PADI1: variants seen among roughly 807,000 people sequenced by gnomAD.
PADI1 encodes protein-arginine deiminase type-1.
Under a neutral mutation model 74.8 loss-of-function variants are expected in PADI1, and 65 were observed. The ratio of observed to expected loss-of-function variants is 0.87; its 90% CI spans 0.71 to 1.07. The LOEUF is 1.07. Among genes scored for constraint, PADI1 ranks in the 50% least tolerant of loss-of-function variants. The pLI is 0.00. For synonymous variants in PADI1, 371 were observed against 336.2 expected, an observed-to-expected ratio of 1.10 and a Z score of -1.13; for missense variants, 943 against 854.0, an observed-to-expected ratio of 1.10 and a Z score of -1.30.
At chr1:17,216,007 C>T (rs2071968521) in intron 1 of PADI1, among the ~76,000 whole-genome samples, 1 of 152,130 alleles carries the variant, frequency 6.6e-6, no homozygotes, top group Non-Finnish European at 1.5e-5. Context: ...GCCTCGTATG[C>T]TACCCTGAGA....
At chr1:17,228,477 T>C (rs987417705) in intron 6 of PADI1, 148 bp from the exon 7 acceptor site, 1 of 731,268 alleles carries the variant, frequency 1.4e-6, no homozygotes, top group East Asian at 2.5e-5. Flanking sequence ...GGTTGAGTCA[T>C]TGAGCTAAGG....
intron 15 of PADI1, among the ~76,000 whole-genome samples, chr1:17,243,739 AG>A (rs1181039937): frequency 6.6e-6 from 1 of 152,122 alleles, no homozygotes; most frequent in Non-Finnish European, 1.5e-5. Flanking sequence ...GAGTGGGAGA[AG>A]TTTTTTTTTG....
At chr1:17,230,450 C>T in intron 9 of PADI1, 122 bp from the exon 10 acceptor site, 1 of 741,656 alleles carries the variant, frequency 1.3e-6, no homozygotes, top group Non-Finnish European at 2.2e-6. Context: ...TCTACCTCTG[C>T]CCCTCACCAG....
rs114592381 is a variant in PADI1, at chr1:17,237,426, T to A, written c.1426T>A (p.Phe476Ile). 1.9e-6 allele frequency: 3 copies of A among 1,612,856 alleles called. No individual in the cohort carries two copies. The African/African-American group carries it at 4.0e-5, about 22-fold the overall frequency. ...GCTCTCTGTGGGCCATGTGGACGAGTTTCTGACCTTTGTGCCTACCTCTGA... is the reference window on the plus strand; with the variant it reads ...GCTCTCTGTGGGCCATGTGGACGAGATTCTGACCTTTGTGCCTACCTCTGA... ...DWLSVGHVDE[F>I]LTFVPTSDQK... The change falls in exon 12 of 16, where the codon TTT becomes ATT. Residue 476 changes from phenylalanine to isoleucine, a missense_variant. By Grantham distance (21) the Phe-to-Ile change is conservative. Coordinates refer to ENST00000375471, the MANE Select transcript of PADI1 (RefSeq NM_013358.3).
At position 17,222,474 on chromosome 1, in the gene PADI1, A is replaced by C. The variant is rs1273849813; in HGVS notation, c.273+4A>C. The C allele has an allele frequency of 1.2e-6, 2 of 1,609,100 alleles. No individual in the cohort carries two copies. Among genetic ancestry groups the C allele is most frequent in the South Asian group, 2.2e-5 (2 of 91,002 alleles). On this transcript the variant is annotated splice_donor_region_variant and intron_variant, in intron 2 of 15. Transcript: ENST00000375471. ...TAAGGAATTAAAGGACTTCAAGGTA[A>C]GAGGCCACTTTCTCATAGAAAAGGG... is the stretch of plus-strand genomic sequence containing the variant.
intron 1 of PADI1, among the ~76,000 whole-genome samples, chr1:17,208,521 AC>A (rs1416814604): frequency 1.8e-4 from 8 of 43,848 alleles, no homozygotes; most frequent in African/African-American, 3.0e-4. Flanking sequence ...CACCCTTTCC[AC>A]CCCCCACCCC....
rs1557468442 is a variant in PADI1, at chr1:17,227,558, TAAATA to T, written c.653-1064_653-1060del. On this transcript the variant is annotated intron_variant, in intron 6 of 15. Coordinates refer to ENST00000375471, the MANE Select transcript of PADI1 (RefSeq NM_013358.3). ...ATAAATAAATAAATAAATAAATAAATAAATAAATAAATAAATAAATAAATTACCAC... is the reference window on the plus strand; with the variant it reads ...ATAAATAAATAAATAAATAAATAAATAATAAATAAATAAATAAATTACCAC... Among the ~76,000 whole-genome samples the T allele has an allele frequency of 3.4e-4, 51 of 151,408 alleles. 1 individual carries two copies. Among genetic ancestry groups the T allele is most frequent in the African/African-American group, 1.2e-3 (49 of 41,264 alleles).
At position 17,223,506 on chromosome 1, in the gene PADI1, G is replaced by T. The variant is rs937819615; in HGVS notation, c.274-115G>T. ...GTCTTGGGACTTCAGAGACTGGGGG[G>T]GTCTCCAGGCCTCCTGTGCCTCTAA... On this transcript the variant is annotated intron_variant, in intron 2 of 15. Coordinates refer to ENST00000375471, the MANE Select transcript of PADI1 (RefSeq NM_013358.3). 2.0e-5 allele frequency: 16 copies of T among 789,178 alleles called. No individual in the cohort carries two copies. In the Admixed American group the frequency reaches 3.1e-4, roughly 15 times the overall value. The allele number at this position is 789,178 out of a possible 1,614,324, so 48.9% of individuals were successfully genotyped here. A position where few individuals can be genotyped will look rare whatever the true frequency, so the allele number is the denominator to read the frequency against.
chr1:17,227,872 G>A (rs1338442745), intron 6 of PADI1, among the ~76,000 whole-genome samples: 1 of 152,194 alleles, frequency 6.6e-6, no homozygotes. Context: ...TGTGCTCTCT[G>A]TATCTCTGAA....
At chr1:17,243,887 T>C (rs1200223588) in intron 15 of PADI1, 123 bp from the exon 16 acceptor site, 2 of 663,714 alleles carry the variant, frequency 3.0e-6, no homozygotes, top group Non-Finnish European at 5.3e-6. Flanking sequence ...CCTAGAGCCC[T>C]TTCTAGGCTG....
chr1:17,243,047 C>T (rs1045277646), intron 15 of PADI1, among the ~76,000 whole-genome samples: 10 of 152,146 alleles, frequency 6.6e-5, no homozygotes, highest in Admixed American at 6.5e-5. Flanking sequence ...GGGCAGAGCA[C>T]GGAGAGTTTG....
At chr1:17,243,751 T>G (rs2072823497) in intron 15 of PADI1, among the ~76,000 whole-genome samples, 1 of 152,068 alleles carries the variant, frequency 6.6e-6, no homozygotes, top group African/African-American at 2.4e-5. Context: ...TTTTTTTTTG[T>G]TTTTTGTTTT....
rs542576139 is a variant in PADI1, at chr1:17,243,776, C to T, written c.1759-234C>T. Reference sequence around the variant, plus strand: ...TTTTTTGTTTTTGTTTTTTAATGTACAAAATTCCTGGTAGTCCTGGCTGTT... The same window carrying T: ...TTTTTTGTTTTTGTTTTTTAATGTATAAAATTCCTGGTAGTCCTGGCTGTT... On this transcript the variant is annotated intron_variant, in intron 15 of 15. Coordinates refer to ENST00000375471, the MANE Select transcript of PADI1 (RefSeq NM_013358.3). Among the ~76,000 whole-genome samples, 89 of 151,548 alleles carry T rather than the reference C, an allele frequency of 5.9e-4. 1 individual carries two copies. Among genetic ancestry groups the T allele is most frequent in the South Asian group, 1.9e-3 (9 of 4,732 alleles).
At position 17,222,288 on chromosome 1, in the gene PADI1, A is replaced by C; in HGVS notation, c.93-2A>C. On this transcript the variant is annotated splice_acceptor_variant, in intron 1 of 15. Transcript: ENST00000375471. LOFTEE classifies it high-confidence loss of function. ...TCTCTTCCCATCTCTCTTCTCTGCC[A>C]GTGATGTGCCCAAGGGTGCCAACAG... 1 of 1,612,476 alleles carries C rather than the reference A, an allele frequency of 6.2e-7. No individual in the cohort carries two copies. The highest frequency in any genetic ancestry group is 8.5e-7 in the Non-Finnish European group (1 of 1,178,570).
rs921617016 is a variant in PADI1, at chr1:17,214,675, C to T, written c.93-7615C>T. Among the ~76,000 whole-genome samples, 8 of 152,228 alleles carry T rather than the reference C, an allele frequency of 5.3e-5. No individual in the cohort carries two copies. The East Asian group carries it at 5.8e-4, about 11-fold the overall frequency. ...GCCGGGAGCAGCTCCAGAAAGCTGG[C>T]GCAATACAGCCCACTGCAGGGTGGC... On this transcript the variant is annotated intron_variant, in intron 1 of 15. Transcript: ENST00000375471.
At chr1:17,225,734 C>A (rs372855521) in intron 4 of PADI1, 77 bp from the exon 5 acceptor site, 2 of 926,174 alleles carry the variant, frequency 2.2e-6, no homozygotes, top group Admixed American at 2.2e-5. Context: ...TAAAGCAGCC[C>A]GCCCTGGCCA....
In PADI1 at chr1:17,228,622, T is replaced by A. The variant is rs2072390839; in HGVS notation, c.653-3T>A. The A allele has an allele frequency of 1.9e-6, 3 of 1,614,128 alleles. No homozygotes were observed. Among genetic ancestry groups the A allele is most frequent in the Non-Finnish European group, 2.5e-6 (3 of 1,179,980 alleles). ...GCTAGCCCCTGACTCTTGTTCTTCC[T>A]AGGTGGGAATTCTCTCTCGGACTAC... On this transcript the variant is annotated splice_polypyrimidine_tract_variant and splice_region_variant and intron_variant, in intron 6 of 15. Coordinates refer to ENST00000375471, the MANE Select transcript of PADI1 (RefSeq NM_013358.3).
intron 2 of PADI1, 87 bp downstream of exon 2, chr1:17,222,557 A>G (rs1182406458): frequency 1.7e-5 from 17 of 1,029,270 alleles, no homozygotes; most frequent in Admixed American, 7.7e-5. Context: ...TCCCATTCCA[A>G]AGCTCCCCAC....
intron 2 of PADI1, among the ~76,000 whole-genome samples, chr1:17,223,078 C>A (rs950370174): frequency 1.3e-5 from 2 of 152,174 alleles, no homozygotes; most frequent in African/African-American, 4.8e-5. Context: ...TGCTTGCTAG[C>A]TGAGGGACTG....
Sources: allele counts gnomAD v4.1 joint callset (sites outside exome capture counted in the v4.1 genomes callset), GRCh38; gene constraint gnomAD v4.1.1; transcripts MANE v1.5; gene names NCBI Gene and HGNC (gene_info 2026-07-23, HGNC 2026-07-21).